Variants in FBRS observed in about 807,000 individuals in gnomAD.
The protein encoded by FBRS is probable fibrosin-1.
A neutral mutation model predicts 86.1 loss-of-function variants in FBRS; 15 were observed. The observed-to-expected ratio is 0.17, with a 90% confidence interval of 0.12 to 0.27. The LOEUF is 0.27. Ranked by LOEUF, FBRS falls within the 10% of genes least tolerant of loss-of-function variation. FBRS has a pLI of 1.00. For missense variants in FBRS, 1,367 were observed against 1,301.6 expected, an observed-to-expected ratio of 1.05 and a Z score of -0.77; for synonymous variants, 666 against 575.8, an observed-to-expected ratio of 1.16 and a Z score of -2.24.
Position 30,659,163 on chromosome 16 carries a change from C to T in FBRS, c.-356C>T, listed in dbSNP as rs1432550043. On this transcript the variant is annotated 5_prime_UTR_variant, in exon 1 of 18. Transcript: ENST00000356166. ...TCTTCCTCGGGGAGACTTGCATCGA[C>T]CCCTGGCAGGGGGTGGCCACCGCAC... 2.0e-5 allele frequency: 3 copies of T among 153,026 alleles called. No individual in the cohort carries two copies. Among genetic ancestry groups the T allele is most frequent in the Non-Finnish European group, 4.4e-5 (3 of 68,594 alleles). The allele number at this position is 153,026 out of a possible 1,614,324, so 9.5% of individuals were successfully genotyped here.
In FBRS at chr16:30,658,913, C is replaced by G. The variant is rs1738532262; in HGVS notation, c.-606C>G. 6.6e-6 allele frequency: 1 copy of G among 152,338 alleles called. No homozygotes were observed. Among genetic ancestry groups the G allele is most frequent in the African/African-American group, 2.4e-5 (1 of 41,568 alleles). The allele number at this position is 152,338 out of a possible 1,614,324, so 9.4% of individuals were successfully genotyped here. ...GTGGGGTTTTTCTTTACGTCCTCCT[C>G]CCCCACACACAAGAAGTCTTTTAAA... On this transcript the variant is annotated 5_prime_UTR_variant, in exon 1 of 18. Coordinates refer to ENST00000356166, the MANE Select transcript of FBRS (RefSeq NM_001105079.3).
chr16:30,665,666 T>A lies in FBRS; in HGVS notation c.1733T>A (p.Leu578Gln). The A allele has an allele frequency of 6.3e-7, 1 of 1,592,254 alleles. No individual in the cohort carries two copies. Residue 578 changes from leucine (L) to glutamine (Q), a missense_variant, in exon 11 of 18, where the codon CTG becomes CAG. By Grantham distance (113) the Leu-to-Gln change is moderately radical. Coordinates refer to ENST00000356166, the MANE Select transcript of FBRS (RefSeq NM_001105079.3). This position sits in a 1 kb window ranked among gnomAD's most constrained non-coding sequence, Gnocchi z 4.1. The stretch of plus-strand genomic sequence containing the variant: ...ACGAACCCTGAGCTGCCACCACGAC[T>A]GGGGCCGGTGCCGAGCGGGCTCTCC... ...KSTNPELPPR[L>Q]GPVPSGLSQK...
chr16:30,668,553 C>T lies in FBRS; in HGVS notation c.2075-7C>T, dbSNP rs1280203437. 1 of 1,608,024 alleles carries T rather than the reference C, an allele frequency of 6.2e-7. No homozygotes were observed. The highest frequency in any genetic ancestry group is 8.5e-7 in the Non-Finnish European group (1 of 1,176,034). ...AGTGCTCTGACCACCCCCCTTTCCT[C>T]CCACAGATCCCTTTGGGCGTCCCAC... On this transcript the variant is annotated splice_polypyrimidine_tract_variant and splice_region_variant and intron_variant, in intron 15 of 17. Transcript: ENST00000356166.
At chr16:30,661,430 G>A in intron 4 of FBRS, 97 bp downstream of exon 4, 1 of 1,546,064 alleles carries the variant, frequency 6.5e-7, no homozygotes, top group South Asian at 1.2e-5. Flanking sequence ...CTTCCCTTGA[G>A]TGAGAAACAT....
Position 30,659,553 on chromosome 16 carries a change from G to T in FBRS, c.35G>T (p.Gly12Val), listed in dbSNP as rs2052427917. 2 of 325,848 alleles carry T rather than the reference G, an allele frequency of 6.1e-6. No homozygotes were observed. The highest frequency in any genetic ancestry group is 1.4e-4 in the South Asian group (1 of 7,318). 20.2% of individuals were successfully genotyped at this position (325,848 alleles called of 1,614,324 possible). A position where few individuals can be genotyped will look rare whatever the true frequency, so the allele number is the denominator to read the frequency against. ...GCAGCGGCCGCGGCCCCGGGTCCGG[G>T]CTGGGCAGCAGAGGGGGAGCGCCGA... Reference protein sequence around the residue: ...ETAAAAAPGPGWAAEGERRRR... With the variant: ...ETAAAAAPGPVWAAEGERRRR... Residue 12 changes from glycine (G) to valine (V), a missense_variant, in exon 1 of 18, where the codon GGC becomes GTC. Physicochemically the swap from Gly to Val is moderately radical, Grantham distance 109 (BLOSUM62 -3). Coordinates refer to ENST00000356166, the MANE Select transcript of FBRS (RefSeq NM_001105079.3).
Position 30,659,568 on chromosome 16 carries a change from G to GGGA in FBRS, c.52_54dup (p.Glu18dup). ...CCGGGTCCGGGCTGGGCAGCAGAGG[G>GGGA]GGAGCGCCGACGGCGGCGCTGCTCG... On this transcript the variant is annotated inframe_insertion, in exon 1 of 18. Coordinates refer to ENST00000356166, the MANE Select transcript of FBRS (RefSeq NM_001105079.3). 3.0e-6 allele frequency: 1 copy of GGGA among 335,312 alleles called. No homozygotes were observed. The highest frequency in any genetic ancestry group is 5.4e-6 in the Non-Finnish European group (1 of 186,858). 20.8% of individuals were successfully genotyped at this position (335,312 alleles called of 1,614,324 possible).
At chr16:30,664,146 C>T in intron 6 of FBRS, 69 bp from the exon 7 acceptor site, 4 of 1,306,288 alleles carry the variant, frequency 3.1e-6, no homozygotes, top group Non-Finnish European at 3.9e-6. Context: ...ATCACCCAGG[C>T]TTCTGACCCC....
At chr16:30,662,195 T>G in intron 4 of FBRS, 1 of 641,080 alleles carries the variant, frequency 1.6e-6, no homozygotes, top group Non-Finnish European at 2.6e-6. Context: ...GCTGCCTCCA[T>G]TTAGTCCTCT....
intron 8 of FBRS, 36 bp downstream of exon 8, chr16:30,664,956 G>T: frequency 2.5e-6 from 4 of 1,608,924 alleles, no homozygotes; most frequent in Admixed American, 1.7e-5. Flanking sequence ...GAGGCTCGGA[G>T]GCCTCTGGGG....
Position 30,665,092 on chromosome 16 carries a change from G to T in FBRS, c.1608+13G>T. 6.2e-7 allele frequency: 1 copy of T among 1,611,660 alleles called. No homozygotes were observed. Among genetic ancestry groups the T allele is most frequent in the Non-Finnish European group, 8.5e-7 (1 of 1,179,442 alleles). On this transcript the variant is annotated intron_variant, in intron 9 of 17. Transcript: ENST00000356166. This position sits in a 1 kb window ranked among gnomAD's most constrained non-coding sequence, Gnocchi z 4.1. ...TTTCCGACATAATGTGAGTGTGTGT[G>T]TGCGTGTGCGTATGGGGTGTGTGGT...
chr16:30,666,330 C>T (rs925535306), intron 11 of FBRS, 182 bp from the exon 12 acceptor site: 6 of 725,050 alleles, frequency 8.3e-6, no homozygotes, highest in African/African-American at 5.3e-5. Flanking sequence ...AAACCTTGTG[C>T]TGGAGGAGAG....
Position 30,661,442 on chromosome 16 carries a change from G to A in FBRS, c.705+109G>A, listed in dbSNP as rs2052460647. The A allele has an allele frequency of 1.6e-5, 24 of 1,538,200 alleles. No homozygotes were observed. In the South Asian group the frequency reaches 2.4e-4, roughly 15 times the overall value. ...AGCCTTCCCTTGAGTGAGAAACATG[G>A]CTTAGGTTGAGTCAGGATTAGGTTT... On this transcript the variant is annotated intron_variant, in intron 4 of 17. Transcript: ENST00000356166.
intron 13 of FBRS, 58 bp from the exon 14 acceptor site, chr16:30,667,262 C>A: frequency 7.4e-7 from 1 of 1,347,036 alleles, no homozygotes; most frequent in Non-Finnish European, 1.0e-6. Flanking sequence ...GGTGAGAGAG[C>A]AAGAGGGGGA....
Position 30,664,905 on chromosome 16 carries a change from C to T in FBRS, c.1548C>T (p.Pro516=), listed in dbSNP as rs762343811. 16 of 1,610,302 alleles carry T rather than the reference C, an allele frequency of 9.9e-6. No homozygotes were observed. The Admixed American group carries it at 2.0e-4, about 20-fold the overall frequency. The change falls in exon 8 of 18, where the codon CCC becomes CCT. Residue 516 remains proline (P), a synonymous_variant. Transcript: ENST00000356166. The stretch of plus-strand genomic sequence containing the variant: ...CTTATCCCCCGGGCCTGCTGCCACC[C>T]CACGGCCCCCACATGGTGAGCTCCT... ...FTPYPPGLLP[P]HGPHMFEKYP...
Position 30,664,179 on chromosome 16 carries a change from C to T in FBRS, c.1056-36C>T, listed in dbSNP as rs541744898. 499 of 1,316,942 alleles carry T rather than the reference C, an allele frequency of 3.8e-4. 1 individual carries two copies. The highest frequency in any genetic ancestry group is 4.5e-4 in the Non-Finnish European group (462 of 1,021,252). The allele number at this position is 1,316,942 out of a possible 1,614,324, so 81.6% of individuals were successfully genotyped here. A position where few individuals can be genotyped will look rare whatever the true frequency, so the allele number is the denominator to read the frequency against. On this transcript the variant is annotated intron_variant, in intron 6 of 17. Coordinates refer to ENST00000356166, the MANE Select transcript of FBRS (RefSeq NM_001105079.3). ...CCCCTCCCGTCAGAGCTGGCACCTC[C>T]CAACCCCTCACTCATCTCCCCACTT...
chr16:30,663,596 G>A (rs1206941608), intron 6 of FBRS, among the ~76,000 whole-genome samples: 2 of 152,168 alleles, frequency 1.3e-5, no homozygotes, highest in African/African-American at 4.8e-5. Context: ...GGCAGCAGTG[G>A]GGAAGGTGGC....
In FBRS at chr16:30,669,034, G is replaced by A; in HGVS notation, c.2367-35G>A. On this transcript the variant is annotated intron_variant, in intron 17 of 17. Transcript: ENST00000356166. This position sits in a 1 kb window ranked among gnomAD's most constrained non-coding sequence, Gnocchi z 5.9. Reference sequence around the variant, plus strand: ...CCACCCTCAGCCCCTGCTGCCCCTGGAGAACTTCATTCTCTCCCCACGCCT... The same window carrying A: ...CCACCCTCAGCCCCTGCTGCCCCTGAAGAACTTCATTCTCTCCCCACGCCT... The A allele has an allele frequency of 6.7e-7, 1 of 1,498,774 alleles. No homozygotes were observed. Among genetic ancestry groups the A allele is most frequent in the Non-Finnish European group, 9.0e-7 (1 of 1,116,960 alleles). 92.8% of individuals were successfully genotyped at this position (1,498,774 alleles called of 1,614,324 possible).
At chr16:30,667,098 C>A (rs1257740590) in intron 13 of FBRS, 108 bp downstream of exon 13, 1 of 1,162,502 alleles carries the variant, frequency 8.6e-7, no homozygotes, top group Non-Finnish European at 1.3e-6. Context: ...CAGAAACATT[C>A]TCTCCTGTCC....
intron 16 of FBRS, 22 bp downstream of exon 16, chr16:30,668,665 T>TGGGGGGGGGGG (rs768353447): frequency 2.7e-6 from 4 of 1,457,368 alleles, no homozygotes; most frequent in Non-Finnish European, 1.9e-6. Flanking sequence ...TGCGGTGGGG[T>TGGGGGGGGGGG]GGGGGGGCTG....
Sources: gnomAD v4.1 joint callset for allele counts (sites outside exome capture counted in the v4.1 genomes callset) on GRCh38, gnomAD v4.1.1 for gene constraint, Gnocchi (gnomAD v3.1) non-coding constraint, MANE v1.5 for transcripts, NCBI Gene and HGNC (gene_info 2026-07-23, HGNC 2026-07-21) for gene names.